Variants in SCG3 observed in about 807,000 individuals in gnomAD.
SCG3 encodes secretogranin III, also known as secretogranin-3.
SCG3 carries 38 observed loss-of-function variants against 56.2 expected under a neutral mutation model. The observed-to-expected ratio is 0.68, with a 90% CI of 0.52 to 0.89. The LOEUF is 0.89. Among genes scored for constraint, SCG3 ranks in the 40% least tolerant of loss-of-function variants. SCG3 has a pLI of 0.00. For synonymous variants in SCG3, 176 were observed against 184.2 expected, an observed-to-expected ratio of 0.96 and a Z score of 0.36; for missense variants, 524 against 540.7, an observed-to-expected ratio of 0.97 and a Z score of 0.31.
At chr15:51,701,338 A>G (rs972836165) in intron 10 of SCG3, 94 bp downstream of exon 10, 2 of 1,278,466 alleles carry the variant, frequency 1.6e-6, no homozygotes, top group African/African-American at 3.0e-5. Context: ...AAGCTCCATC[A>G]CATCTGAGAA....
At chr15:51,699,101 A>G (rs1298192954) in intron 8 of SCG3, among the ~76,000 whole-genome samples, 1 of 152,192 alleles carries the variant, frequency 6.6e-6, no homozygotes, top group Admixed American at 6.5e-5. Flanking sequence ...CAATTAGCTG[A>G]GTAGGAGGCT....
At chr15:51,710,623 G>A (rs1026138546) in intron 10 of SCG3, among the ~76,000 whole-genome samples, 3 of 152,144 alleles carry the variant, frequency 2.0e-5, no homozygotes, top group Admixed American at 6.5e-5. Flanking sequence ...ATCTGGCTGT[G>A]TTGTCCAAGC....
chr15:51,699,164 T>C (rs2055323387), intron 8 of SCG3, among the ~76,000 whole-genome samples, 155 bp from the exon 9 acceptor site: 1 of 152,202 alleles, frequency 6.6e-6, no homozygotes, highest in South Asian at 2.1e-4. Context: ...TCTATGATTC[T>C]TAGAAATAAA....
rs74015710 is a variant in SCG3, at chr15:51,710,355, G to A, written c.1208-2978G>A. Among the ~76,000 whole-genome samples, 771 of 152,252 alleles carry A rather than the reference G, an allele frequency of 5.1e-3. 10 individuals carry two copies. The highest frequency in any genetic ancestry group is 0.018 in the African/African-American group (740 of 41,544). On this transcript the variant is annotated intron_variant, in intron 10 of 11. Coordinates refer to ENST00000220478, the MANE Select transcript of SCG3 (RefSeq NM_013243.4). ...ACGGGGTGTTCTGTTATAAATTAGG[G>A]AGACTGTCCTAATCATGTATGTTAT...
intron 5 of SCG3, 74 bp downstream of exon 5, chr15:51,688,476 C>A (rs2141560814): frequency 7.2e-7 from 1 of 1,396,822 alleles, no homozygotes; most frequent in Non-Finnish European, 9.9e-7. Context: ...AGTCACTTGC[C>A]TCAAGTAGCC....
Position 51,689,222 on chromosome 15 carries a change from A to C in SCG3, c.544A>C (p.Thr182Pro). 6.2e-7 allele frequency: 1 copy of C among 1,613,572 alleles called. No individual in the cohort carries two copies. Among genetic ancestry groups the C allele is most frequent in the Non-Finnish European group, 8.5e-7 (1 of 1,179,710 alleles). Residue 182 changes from threonine to proline, a missense_variant, in exon 6 of 12, where the codon ACA (threonine) becomes CCA (proline). Coordinates refer to ENST00000220478, the MANE Select transcript of SCG3 (RefSeq NM_013243.4). The part of the protein sequence containing the change: ...VSKLLNLGLI[T>P]ESQAHTLEDE... ...ATGTTTTGCCTTTTTATGATAGATC[A>C]CAGAAAGCCAAGCACATACACTGGA...
intron 11 of SCG3, among the ~76,000 whole-genome samples, chr15:51,718,492 T>C (rs1595844233): frequency 6.6e-6 from 1 of 152,200 alleles, no homozygotes; most frequent in East Asian, 1.9e-4. Context: ...TCAGATTACA[T>C]TCAGGCTCGC....
At chr15:51,705,997 C>T (rs1393979065) in intron 10 of SCG3, among the ~76,000 whole-genome samples, 1 of 152,122 alleles carries the variant, frequency 6.6e-6, no homozygotes, top group African/African-American at 2.4e-5. Flanking sequence ...AAAACACCAG[C>T]TAAGTGTAAG....
chr15:51,709,898 T>G (rs2055409094), intron 10 of SCG3, among the ~76,000 whole-genome samples: 1 of 137,566 alleles, frequency 7.3e-6, no homozygotes, highest in South Asian at 2.4e-4. Context: ...TTTTTTTTTT[T>G]TTTTTTTTTT....
At chr15:51,719,157 A>G (rs148625655) in intron 11 of SCG3, among the ~76,000 whole-genome samples, 71 of 152,368 alleles carry the variant, frequency 4.7e-4, no homozygotes, top group African/African-American at 1.7e-3. Context: ...TGTTTGGTCA[A>G]ATGGGGATGG....
At chr15:51,689,474 A>C (rs1352275594) in intron 6 of SCG3, 106 bp downstream of exon 6, 3 of 1,364,576 alleles carry the variant, frequency 2.2e-6, no homozygotes, top group Non-Finnish European at 2.9e-6. Context: ...ATACCAAAGA[A>C]GATTTGAGGT....
intron 6 of SCG3, among the ~76,000 whole-genome samples, chr15:51,691,824 A>C (rs1434516994): frequency 6.6e-6 from 1 of 152,152 alleles, no homozygotes. Context: ...TTCCCTCTTC[A>C]TTAAAAGGCA....
chr15:51,688,223 G>A (rs1246575770), intron 4 of SCG3, 37 bp from the exon 5 acceptor site: 1 of 1,580,964 alleles, frequency 6.3e-7, no homozygotes, highest in Non-Finnish European at 8.6e-7. Context: ...ATAGATCTAT[G>A]ATCACTATGG....
intron 8 of SCG3, among the ~76,000 whole-genome samples, chr15:51,697,992 C>T (rs1194510761): frequency 6.6e-6 from 1 of 152,198 alleles, no homozygotes; most frequent in Non-Finnish European, 1.5e-5. Flanking sequence ...CTCCTCTCCT[C>T]CCATCTGAGC....
Position 51,717,846 on chromosome 15 carries a change from T to C in SCG3, c.1289-1562T>C, listed in dbSNP as rs908649521. 8.5e-5 allele frequency among the ~76,000 whole-genome samples: 13 copies of C among 152,322 alleles called. No homozygotes were observed. In the South Asian group the frequency reaches 1.5e-3, roughly 17 times the overall value. On this transcript the variant is annotated intron_variant, in intron 11 of 11. Coordinates refer to ENST00000220478, the MANE Select transcript of SCG3 (RefSeq NM_013243.4). ...ATTGGATAGGCATGATTGACAACCATGTAGGAATGTGATTGGACAAAAAGG... is the reference window on the plus strand; with the variant it reads ...ATTGGATAGGCATGATTGACAACCACGTAGGAATGTGATTGGACAAAAAGG...
intron 7 of SCG3, among the ~76,000 whole-genome samples, chr15:51,694,399 T>C (rs1283114543): frequency 6.6e-6 from 1 of 152,190 alleles, no homozygotes; most frequent in East Asian, 1.9e-4. Context: ...TTTCTCAGGT[T>C]CTTGCCTTGC....
chr15:51,681,703 C>T lies in SCG3; in HGVS notation c.-53C>T. Reference sequence around the variant, plus strand: ...TCCTCCTTTTCATTCATAACAAAAGCTACAGCTCCAGGAGCCCAGCGCCGG... The same window carrying T: ...TCCTCCTTTTCATTCATAACAAAAGTTACAGCTCCAGGAGCCCAGCGCCGG... On this transcript the variant is annotated 5_prime_UTR_variant, in exon 1 of 12. Coordinates refer to ENST00000220478, the MANE Select transcript of SCG3 (RefSeq NM_013243.4). 1 of 1,304,706 alleles carries T rather than the reference C, an allele frequency of 7.7e-7. No individual in the cohort carries two copies. Among genetic ancestry groups the T allele is most frequent in the Non-Finnish European group, 1.1e-6 (1 of 916,824 alleles). The allele number at this position is 1,304,706 out of a possible 1,614,324, so 80.8% of individuals were successfully genotyped here.
intron 10 of SCG3, among the ~76,000 whole-genome samples, chr15:51,709,683 ATATATATATATATATATATTTTT>A (rs1567222241): frequency 8.4e-5 from 1 of 11,876 alleles, no homozygotes; most frequent in Admixed American, 9.2e-4. Flanking sequence ...ATATATATAT[ATATATATATATATATATATTTTT>A]TTTTTTTTTT....
At chr15:51,698,480 C>A (rs978539590) in intron 8 of SCG3, among the ~76,000 whole-genome samples, 1 of 152,064 alleles carries the variant, frequency 6.6e-6, no homozygotes, top group Non-Finnish European at 1.5e-5. Flanking sequence ...GGGAAATGAC[C>A]CCTAAGACTA....
Sources: allele counts gnomAD v4.1 joint callset (sites outside exome capture counted in the v4.1 genomes callset), GRCh38; gene constraint gnomAD v4.1.1; transcripts MANE v1.5; gene names NCBI Gene and HGNC (gene_info 2026-07-23, HGNC 2026-07-21).